Variants in LRRC28 observed in about 807,000 individuals in gnomAD.
LRRC28 encodes leucine rich repeat containing 28.
In LRRC28, 39 loss-of-function variants were observed where a neutral mutation model predicts 45.7. The observed-to-expected ratio is 0.85, with a 90% CI of 0.66 to 1.12. The LOEUF is 1.12. Among genes scored for constraint, LRRC28 ranks in the 50% most tolerant of loss-of-function variants. LRRC28 has a pLI of 0.00. For synonymous variants in LRRC28, 206 were observed against 178.8 expected (o/e 1.15, Z -1.22); for missense variants, 435 against 438.5 (o/e 0.99, Z 0.07).
chr15:99,259,396 A>C, intron 2 of LRRC28: 1 of 1,554,840 alleles, frequency 6.4e-7, no homozygotes. Flanking sequence ...TTGCCAAGGA[A>C]GGAGTGAAGT....
At chr15:99,257,791 A>G in intron 2 of LRRC28, 3 of 780,720 alleles carry the variant, frequency 3.8e-6, no homozygotes, top group Non-Finnish European at 7.1e-6. Flanking sequence ...AGAGAGGAAG[A>G]AGCTATTCAG....
chr15:99,363,035 T>C, intron 8 of LRRC28, 71 bp from the exon 9 acceptor site: 2 of 1,486,696 alleles, frequency 1.3e-6, no homozygotes, highest in Non-Finnish European at 9.0e-7. Context: ...TGGTAACAAA[T>C]ATTTTAAGAA....
chr15:99,380,684 T>C (rs575699469), intron 9 of LRRC28, among the ~76,000 whole-genome samples: 1 of 152,362 alleles, frequency 6.6e-6, no homozygotes, highest in South Asian at 2.1e-4. Flanking sequence ...GTTGTTCCTG[T>C]CCATGTTTAG....
intron 2 of LRRC28, among the ~76,000 whole-genome samples, chr15:99,270,625 T>A (rs1683327901): frequency 6.6e-6 from 1 of 152,230 alleles, no homozygotes; most frequent in South Asian, 2.1e-4. Context: ...TGTGTGTGAT[T>A]CCGTAGGGAT....
At chr15:99,263,554 A>C (rs1384530624) in intron 2 of LRRC28, among the ~76,000 whole-genome samples, 1 of 152,138 alleles carries the variant, frequency 6.6e-6, no homozygotes, top group African/African-American at 2.4e-5. Context: ...TATAAAGTAG[A>C]ATTGCATAAG....
chr15:99,346,794 A>G (rs954574134), intron 6 of LRRC28, among the ~76,000 whole-genome samples: 7 of 152,200 alleles, frequency 4.6e-5, no homozygotes, highest in Non-Finnish European at 1.0e-4. Context: ...CTATTAAAAA[A>G]ATAAATAAAA....
chr15:99,271,474 TC>T (rs2081477561), intron 2 of LRRC28, among the ~76,000 whole-genome samples: 2 of 152,180 alleles, frequency 1.3e-5, no homozygotes, highest in African/African-American at 4.8e-5. Flanking sequence ...ACATGGGGTT[TC>T]ACCATGTTGG....
intron 2 of LRRC28, among the ~76,000 whole-genome samples, chr15:99,273,058 T>C (rs1331167729): frequency 6.6e-6 from 1 of 152,186 alleles, no homozygotes; most frequent in Admixed American, 6.5e-5. Context: ...ACCTAAATTA[T>C]AGAAGTGTAA....
intron 3 of LRRC28, chr15:99,285,075 ATTATGGTAT>A: frequency 2.9e-6 from 2 of 683,268 alleles, no homozygotes; most frequent in East Asian, 5.5e-5. Context: ...GGCCATTCAC[ATTATGGTAT>A]TTCTGAGTGA....
At chr15:99,331,242 A>G (rs953109712) in intron 5 of LRRC28, among the ~76,000 whole-genome samples, 1 of 152,172 alleles carries the variant, frequency 6.6e-6, no homozygotes, top group African/African-American at 2.4e-5. Flanking sequence ...ATTTTTTTCA[A>G]ATACCTTTAG....
At chr15:99,348,650 C>T (rs1167115687) in intron 6 of LRRC28, among the ~76,000 whole-genome samples, 1 of 151,874 alleles carries the variant, frequency 6.6e-6, no homozygotes, top group Non-Finnish European at 1.5e-5. Flanking sequence ...TTTTTGTTAC[C>T]ATAGCTTTGT....
At chr15:99,261,208 G>T (rs550274925) in intron 2 of LRRC28, among the ~76,000 whole-genome samples, 1 of 152,234 alleles carries the variant, frequency 6.6e-6, no homozygotes, top group East Asian at 1.9e-4. Context: ...ACATTTAAAA[G>T]AATAAACTTT....
chr15:99,381,682 G>C (rs528537944), intron 9 of LRRC28, among the ~76,000 whole-genome samples: 130 of 152,318 alleles, frequency 8.5e-4, no homozygotes, highest in African/African-American at 2.8e-3. Flanking sequence ...TTTGGTCTTT[G>C]ATGATGGTGA....
intron 1 of LRRC28, among the ~76,000 whole-genome samples, chr15:99,254,649 G>A (rs1053695266): frequency 5.9e-5 from 9 of 152,154 alleles, no homozygotes; most frequent in Admixed American, 1.3e-4. Flanking sequence ...AAATCCACTG[G>A]ACCTGGTATC....
At chr15:99,271,303 T>C (rs1268393244) in intron 2 of LRRC28, among the ~76,000 whole-genome samples, 2 of 150,162 alleles carry the variant, frequency 1.3e-5, no homozygotes, top group Admixed American at 1.3e-4. Flanking sequence ...TTTTTTGAGA[T>C]GAGTCTCATT....
chr15:99,360,199 C>G (rs145321936), intron 7 of LRRC28, among the ~76,000 whole-genome samples: 1 of 152,128 alleles, frequency 6.6e-6, no homozygotes, highest in Non-Finnish European at 1.5e-5. Flanking sequence ...GAAACCAAGA[C>G]GTAGCCATAT....
intron 5 of LRRC28, 47 bp downstream of exon 5, chr15:99,287,998 C>T (rs748049496): frequency 2.9e-5 from 44 of 1,506,212 alleles, no homozygotes; most frequent in Non-Finnish European, 3.7e-5. Context: ...TATTATAAAT[C>T]TGTATTCATA....
At chr15:99,385,998 C>T in intron 9 of LRRC28, 32 bp from the exon 10 acceptor site, 1 of 1,594,162 alleles carries the variant, frequency 6.3e-7, no homozygotes, top group Non-Finnish European at 8.6e-7. Context: ...CTTGAACTCA[C>T]AGCGTTCTTC....
intron 5 of LRRC28, among the ~76,000 whole-genome samples, chr15:99,299,516 G>C (rs2082345372): frequency 6.6e-6 from 1 of 152,048 alleles, no homozygotes; most frequent in Non-Finnish European, 1.5e-5. Flanking sequence ...TGTTTTATTT[G>C]TCATTTATTT....
Sources: gnomAD v4.1 joint callset for allele counts (sites outside exome capture counted in the v4.1 genomes callset) on GRCh38, gnomAD v4.1.1 for gene constraint, MANE v1.5 for transcripts, NCBI Gene and HGNC (gene_info 2026-07-23, HGNC 2026-07-21) for gene names.